The following EYA1 variants were observed in gnomAD, a reference collection of about 807,000 sequenced individuals.
EYA1 encodes EYA transcriptional coactivator and phosphatase 1.
A neutral mutation model predicts 82.0 loss-of-function variants in EYA1; 16 were observed. The ratio of observed to expected loss-of-function variants is 0.20; its 90% confidence interval spans 0.13 to 0.30. EYA1 has a LOEUF of 0.30. Among genes scored for constraint, EYA1 ranks in the 10% least tolerant of loss-of-function variants. The pLI is 1.00. For missense variants in EYA1, 633 were observed against 730.7 expected, an observed-to-expected ratio of 0.87 and a Z score of 1.54; for synonymous variants, 261 against 264.4, an observed-to-expected ratio of 0.99 and a Z score of 0.12.
At chr8:71,398,545 G>A (rs983083913) in intron 2 of EYA1, among the ~76,000 whole-genome samples, 13 of 152,010 alleles carry the variant, frequency 8.6e-5, no homozygotes, top group African/African-American at 3.1e-4. Flanking sequence ...GTCTGTTGGA[G>A]TTTACTGGAG....
At chr8:71,431,340 G>A (rs1805604069) in intron 2 of EYA1, among the ~76,000 whole-genome samples, 1 of 152,008 alleles carries the variant, frequency 6.6e-6, no homozygotes, top group South Asian at 2.1e-4. Flanking sequence ...TTTTTAAAAT[G>A]TTTCTTGAAT....
At chr8:71,523,283 A>T (rs932536883) in intron 2 of EYA1, among the ~76,000 whole-genome samples, 1 of 142,000 alleles carries the variant, frequency 7.0e-6, no homozygotes, top group Non-Finnish European at 1.5e-5. Context: ...GGTTCACGCC[A>T]TTCTCCTGCC....
At chr8:71,329,890 C>G (rs1405590318) in intron 4 of EYA1, among the ~76,000 whole-genome samples, 1 of 151,966 alleles carries the variant, frequency 6.6e-6, no homozygotes, top group Non-Finnish European at 1.5e-5. Flanking sequence ...GGGGAGTAAC[C>G]TGATCCGGTA....
At chr8:71,319,105 TATACCAATAAA>T (rs980062348) in intron 6 of EYA1, among the ~76,000 whole-genome samples, 5 of 150,480 alleles carry the variant, frequency 3.3e-5, no homozygotes, top group Non-Finnish European at 7.4e-5. Context: ...AGCCTTCACC[TATACCAATAAA>T]ATACCAATAA....
At chr8:71,378,703 A>T (rs1828519553) in intron 2 of EYA1, among the ~76,000 whole-genome samples, 1 of 152,208 alleles carries the variant, frequency 6.6e-6, no homozygotes, top group Non-Finnish European at 1.5e-5. Flanking sequence ...TATATTTTAT[A>T]ATCATTGGAT....
intron 17 of EYA1, among the ~76,000 whole-genome samples, chr8:71,210,566 C>T (rs899790973): frequency 1.3e-5 from 2 of 152,168 alleles, no homozygotes; most frequent in African/African-American, 4.8e-5. Context: ...AGAATTACAC[C>T]TGCAGAGATT....
chr8:71,428,723 C>G (rs1805418206), intron 2 of EYA1, among the ~76,000 whole-genome samples: 1 of 152,136 alleles, frequency 6.6e-6, no homozygotes, highest in African/African-American at 2.4e-5. Context: ...CCTAACTGCT[C>G]TTTTCTTTTT....
At chr8:71,462,725 A>C (rs1808459736) in intron 2 of EYA1, among the ~76,000 whole-genome samples, 2 of 152,294 alleles carry the variant, frequency 1.3e-5, no homozygotes, top group Admixed American at 6.5e-5. Flanking sequence ...ACAGGGGGCC[A>C]GGGTCTGGAG....
chr8:71,410,066 G>A (rs1016980186), intron 2 of EYA1, among the ~76,000 whole-genome samples: 11 of 152,114 alleles, frequency 7.2e-5, no homozygotes, highest in African/African-American at 2.4e-4. Flanking sequence ...ATATAAGGCT[G>A]GTTCAATATA....
chr8:71,262,919 T>G (rs534655508), intron 11 of EYA1, among the ~76,000 whole-genome samples: 1 of 152,242 alleles, frequency 6.6e-6, no homozygotes, highest in South Asian at 2.1e-4. Context: ...TCATCCTTTT[T>G]ATCTAATTTG....
intron 11 of EYA1, among the ~76,000 whole-genome samples, chr8:71,245,095 A>G (rs1052935095): frequency 6.6e-6 from 1 of 152,266 alleles, no homozygotes; most frequent in African/African-American, 2.4e-5. Flanking sequence ...GCACTGTCAC[A>G]AATATCAGAA....
intron 2 of EYA1, among the ~76,000 whole-genome samples, chr8:71,406,220 T>A (rs567481473): frequency 6.6e-6 from 1 of 152,338 alleles, no homozygotes; most frequent in African/African-American, 2.4e-5. Flanking sequence ...TTAAAAGATA[T>A]TAAACAATTT....
At chr8:71,331,539 C>A (rs564689262) in intron 4 of EYA1, among the ~76,000 whole-genome samples, 10 of 149,410 alleles carry the variant, frequency 6.7e-5, no homozygotes, top group Non-Finnish European at 8.9e-5. Context: ...GAAAATAAGA[C>A]AAAAGCAGAA....
At chr8:71,465,329 A>G (rs1287028220) in intron 2 of EYA1, among the ~76,000 whole-genome samples, 2 of 152,220 alleles carry the variant, frequency 1.3e-5, no homozygotes, top group African/African-American at 4.8e-5. Flanking sequence ...AAATTGGTTA[A>G]AAGGAAGAAG....
chr8:71,253,746 T>C (rs1814035546), intron 11 of EYA1, among the ~76,000 whole-genome samples: 1 of 152,130 alleles, frequency 6.6e-6, no homozygotes, highest in South Asian at 2.1e-4. Flanking sequence ...ACCACACTAT[T>C]GAAAAGATAA....
At chr8:71,362,768 T>A (rs1402410600), upstream of EYA1, among the ~76,000 whole-genome samples, 1 of 152,202 alleles carries the variant, frequency 6.6e-6, no homozygotes. Flanking sequence ...TAGAACTCTT[T>A]CTTTACAGCT....
At chr8:71,297,868 A>G (rs1012628108) in intron 9 of EYA1, among the ~76,000 whole-genome samples, 2 of 152,208 alleles carry the variant, frequency 1.3e-5, no homozygotes, top group African/African-American at 4.8e-5. Context: ...TTTTTGGAAA[A>G]TAAAGATACA....
chr8:71,406,131 A>G (rs1269352908), intron 2 of EYA1, among the ~76,000 whole-genome samples: 1 of 152,248 alleles, frequency 6.6e-6, no homozygotes, highest in Non-Finnish European at 1.5e-5. Context: ...TTATACCTCA[A>G]TAAAGCTGTA....
At chr8:71,250,922 T>A (rs1379309779) in intron 11 of EYA1, among the ~76,000 whole-genome samples, 1 of 152,202 alleles carries the variant, frequency 6.6e-6, no homozygotes, top group Non-Finnish European at 1.5e-5. Context: ...TAGCTGTTAG[T>A]GTTGTCAGTG....
Sources: allele counts gnomAD v4.1 joint callset (sites outside exome capture counted in the v4.1 genomes callset), GRCh38; gene constraint gnomAD v4.1.1; transcripts MANE v1.5; gene names NCBI Gene and HGNC (gene_info 2026-07-23, HGNC 2026-07-21).